MTARC1: variants seen among roughly 807,000 people sequenced by gnomAD.
MTARC1 encodes mitochondrial amidoxime-reducing component 1.
A neutral mutation model predicts 33.6 loss-of-function variants in MTARC1; 24 were observed. That is an observed-to-expected ratio of 0.72 (90% CI 0.52 to 1.01). The LOEUF (loss-of-function observed/expected upper bound fraction) is 1.01, where lower values mean the gene tolerates loss of function less well. MTARC1 is among the 50% of genes least tolerant of loss of function. The probability of loss-of-function intolerance (pLI) is 0.00; values close to 1 mark genes in which losing one functional copy is unlikely to be tolerated. For synonymous variants in MTARC1, 187 were observed against 189.5 expected, an observed-to-expected ratio of 0.99 and a Z score of 0.11; for missense variants, 417 against 445.7, an observed-to-expected ratio of 0.94 and a Z score of 0.58.
intron 6 of MTARC1, among the ~76,000 whole-genome samples, chr1:220,805,731 G>T (rs564885391): frequency 3.3e-5 from 5 of 152,272 alleles, no homozygotes; most frequent in African/African-American, 9.6e-5. Flanking sequence ...AAGGATAAAT[G>T]AGTACATTTT....
At position 220,813,394 on chromosome 1, in the gene MTARC1, C is replaced by T. The variant is rs1673199845; in HGVS notation, c.990C>T (p.Asp330=). The stretch of plus-strand genomic sequence containing the variant: ...ACCCAGGGACCATCAAAGTGGGAGA[C>T]CCTGTGTACCTGCTGGGCCAGTAAT... ...LENPGTIKVG[D]PVYLLGQ The change falls in exon 7 of 7, where the codon GAC becomes GAT. Residue 330 remains aspartate, a synonymous_variant. Coordinates refer to ENST00000366910, the MANE Select transcript of MTARC1 (RefSeq NM_022746.4). The T allele has an allele frequency of 1.2e-6, 2 of 1,614,116 alleles. No individual in the cohort carries two copies. Among genetic ancestry groups the T allele is most frequent in the Non-Finnish European group, 8.5e-7 (1 of 1,180,028 alleles).
At position 220,812,626 on chromosome 1, in the gene MTARC1, G is replaced by A. The variant is rs571603506; in HGVS notation, c.888-666G>A. On this transcript the variant is annotated intron_variant, in intron 6 of 6. Transcript: ENST00000366910. Reference sequence around the variant, plus strand: ...AGGATGGGCTCCCAGCCCAAGTGACGGCTAGGATGGTGGTTCAGGTGACAG... The same window carrying A: ...AGGATGGGCTCCCAGCCCAAGTGACAGCTAGGATGGTGGTTCAGGTGACAG... Among the ~76,000 whole-genome samples the A allele has an allele frequency of 5.9e-5, 9 of 152,350 alleles. No homozygotes were observed. The East Asian group carries it at 1.7e-3, about 29-fold the overall frequency.
Position 220,791,481 on chromosome 1 carries a change from A to G in MTARC1, c.276-10A>G. On this transcript the variant is annotated splice_polypyrimidine_tract_variant and intron_variant, in intron 1 of 6. Coordinates refer to ENST00000366910, the MANE Select transcript of MTARC1 (RefSeq NM_022746.4). ...TGGTTCACACATATCCTGTGTTTTG[A>G]AAACGGCAGGTTTTGGCTTGTGATC... The G allele has an allele frequency of 6.2e-7, 1 of 1,613,412 alleles. No homozygotes were observed. Among genetic ancestry groups the G allele is most frequent in the Non-Finnish European group, 8.5e-7 (1 of 1,179,602 alleles).
intron 2 of MTARC1, among the ~76,000 whole-genome samples, chr1:220,795,326 A>G (rs894599601): frequency 4.6e-5 from 7 of 152,144 alleles, no homozygotes; most frequent in African/African-American, 1.4e-4. Flanking sequence ...AACTATCACC[A>G]AGGCCATGGA....
At chr1:220,803,796 T>TA (rs962881804) in intron 4 of MTARC1, among the ~76,000 whole-genome samples, 27 of 152,274 alleles carry the variant, frequency 1.8e-4, no homozygotes, top group Admixed American at 7.8e-4. Flanking sequence ...ATACCCTTTT[T>TA]ATGTGTTTTT....
chr1:220,792,837 G>A (rs1395423515), intron 2 of MTARC1, among the ~76,000 whole-genome samples: 1 of 151,918 alleles, frequency 6.6e-6, no homozygotes, highest in Non-Finnish European at 1.5e-5. Flanking sequence ...AAATCTTTAA[G>A]GATACCATTT....
At chr1:220,800,041 T>A (rs2642440) in intron 4 of MTARC1, among the ~76,000 whole-genome samples, 9 of 152,038 alleles carry the variant, frequency 5.9e-5, no homozygotes, top group Admixed American at 5.9e-4. Flanking sequence ...CTTTCTCCCC[T>A]GTGTGATTTG....
At chr1:220,793,314 T>C (rs556984636) in intron 2 of MTARC1, 2 of 152,340 alleles carry the variant, frequency 1.3e-5, no homozygotes, top group South Asian at 4.1e-4. Context: ...TTACAGTTAA[T>C]TTTTTTGTTT....
intron 1 of MTARC1, among the ~76,000 whole-genome samples, chr1:220,789,453 AC>A (rs1173723479): frequency 3.4e-5 from 3 of 87,742 alleles, no homozygotes; most frequent in African/African-American, 8.7e-5. Context: ...AAAAACAAAA[AC>A]AAAAAAAATC....
At chr1:220,801,854 A>C (rs569139296) in intron 4 of MTARC1, among the ~76,000 whole-genome samples, 23 of 152,026 alleles carry the variant, frequency 1.5e-4, no homozygotes, top group Non-Finnish European at 3.2e-4. Context: ...CCCACTCCTC[A>C]TCTCGGAAGC....
intron 6 of MTARC1, 34 bp downstream of exon 6, chr1:220,805,308 T>A: frequency 6.2e-7 from 1 of 1,610,934 alleles, no homozygotes; most frequent in African/African-American, 1.3e-5. Flanking sequence ...ATCCTCGGGT[T>A]TAGGTGCCGG....
chr1:220,790,632 C>G (rs1194065013), intron 1 of MTARC1, among the ~76,000 whole-genome samples: 1 of 152,188 alleles, frequency 6.6e-6, no homozygotes, highest in African/African-American at 2.4e-5. Context: ...CAAGAAATAT[C>G]TTGAACGACC....
At chr1:220,805,412 G>A (rs904347739) in intron 6 of MTARC1, 138 bp downstream of exon 6, 11 of 881,306 alleles carry the variant, frequency 1.2e-5, no homozygotes, top group East Asian at 2.6e-5. Context: ...TCCCATTAAC[G>A]AGATAATTTG....
At chr1:220,801,444 G>A (rs1366523511) in intron 4 of MTARC1, among the ~76,000 whole-genome samples, 2 of 152,176 alleles carry the variant, frequency 1.3e-5, no homozygotes, top group East Asian at 3.9e-4. Context: ...GACAGGGGCT[G>A]CTGTATCTCC....
At chr1:220,788,616 T>A (rs1672315298) in intron 1 of MTARC1, among the ~76,000 whole-genome samples, 2 of 151,882 alleles carry the variant, frequency 1.3e-5, no homozygotes, top group Admixed American at 1.3e-4. Context: ...GTGAAACCCC[T>A]TCTCTACTAA....
chr1:220,794,896 C>A (rs538956720), intron 2 of MTARC1, among the ~76,000 whole-genome samples: 2 of 152,046 alleles, frequency 1.3e-5, no homozygotes, highest in African/African-American at 4.8e-5. Flanking sequence ...ATGAGTGTTA[C>A]GCTTCAATAA....
chr1:220,815,514 CCTT>C lies in MTARC1; in HGVS notation c.*2099_*2101del, dbSNP rs768984049. On this transcript the variant is annotated 3_prime_UTR_variant, in exon 7 of 7. Transcript: ENST00000366910. ...AACCCTCCTCACTGGGCAGACCTGT[CCTT>C]CTGTGCCTCACAGTGTGAGGAAGAT... 2 of 152,234 alleles carry C rather than the reference CCTT, an allele frequency of 1.3e-5. No homozygotes were observed. Among genetic ancestry groups the C allele is most frequent in the Non-Finnish European group, 2.9e-5 (2 of 68,046 alleles). 9.4% of individuals were successfully genotyped at this position (152,234 alleles called of 1,614,324 possible).
chr1:220,796,186 A>G (rs892343737), intron 2 of MTARC1, among the ~76,000 whole-genome samples: 8 of 152,146 alleles, frequency 5.3e-5, no homozygotes, highest in Admixed American at 2.0e-4. Flanking sequence ...TTTAGGCTTT[A>G]TAGAACATTT....
chr1:220,800,144 A>G (rs1334247646), intron 4 of MTARC1, among the ~76,000 whole-genome samples: 1 of 152,138 alleles, frequency 6.6e-6, no homozygotes, highest in Non-Finnish European at 1.5e-5. Context: ...CCCAGAGTAG[A>G]ACTTCAGATC....
Sources: allele counts gnomAD v4.1 joint callset (sites outside exome capture counted in the v4.1 genomes callset), GRCh38; gene constraint gnomAD v4.1.1; transcripts MANE v1.5; gene names NCBI Gene and HGNC (gene_info 2026-07-23, HGNC 2026-07-21).